Variants in TMPRSS4 observed in about 807,000 individuals in gnomAD.
TMPRSS4 encodes the protein transmembrane protease serine 4.
In TMPRSS4, 45 loss-of-function variants were observed where a neutral mutation model predicts 56.4. That is an observed-to-expected ratio of 0.80 (90% CI 0.63 to 1.02). The LOEUF (loss-of-function observed/expected upper bound fraction) is 1.02, where lower values mean the gene tolerates loss of function less well. TMPRSS4 is among the 50% of genes least tolerant of loss of function. The pLI, the probability that TMPRSS4 is intolerant of heterozygous loss-of-function variation, is 0.00. For synonymous variants in TMPRSS4, 205 were observed against 211.0 expected (o/e 0.97, Z 0.25); for missense variants, 546 against 556.7 (o/e 0.98, Z 0.19).
intron 1 of TMPRSS4, among the ~76,000 whole-genome samples, chr11:118,092,719 T>G (rs1946049431): frequency 6.6e-6 from 1 of 152,218 alleles, no homozygotes; most frequent in Admixed American, 6.5e-5. Flanking sequence ...AACTATAAAC[T>G]AAGTTTCTCC....
intron 1 of TMPRSS4, 113 bp from the exon 2 acceptor site, chr11:118,094,703 C>T (rs879672215): frequency 8.9e-6 from 8 of 898,698 alleles, no homozygotes; most frequent in Non-Finnish European, 1.3e-5. Context: ...CAGAGACCCC[C>T]AACGTAGACT....
In TMPRSS4 at chr11:118,114,823, T is replaced by C. The variant is rs758784863; in HGVS notation, c.911-6T>C. The C allele has an allele frequency of 1.9e-6, 3 of 1,600,678 alleles. No individual in the cohort carries two copies. Among genetic ancestry groups the C allele is most frequent in the African/African-American group, 2.7e-5 (2 of 74,842 alleles). ...AGATCTCCTTCTTCCTCTGTGCTCC[T>C]GGCAGGCACAGTCAGGCCCATCTGT... On this transcript the variant is annotated splice_polypyrimidine_tract_variant and splice_region_variant and intron_variant, in intron 9 of 12. Transcript: ENST00000437212.
At position 118,083,805 on chromosome 11, in the gene TMPRSS4, C is replaced by T. The variant is rs149730619; in HGVS notation, c.3+6500C>T. Among the ~76,000 whole-genome samples, 16 of 152,162 alleles carry T rather than the reference C, an allele frequency of 1.1e-4. No individual in the cohort carries two copies. In the East Asian group the frequency reaches 1.9e-3, roughly 18 times the overall value. The stretch of plus-strand genomic sequence containing the variant: ...GTGCAGTGGCTCACACCTGTAATCC[C>T]GCTTTGGGAGGCCGAAAAGGGCAGA... On this transcript the variant is annotated intron_variant, in intron 1 of 12. Transcript: ENST00000437212.
intron 10 of TMPRSS4, 43 bp downstream of exon 10, chr11:118,114,970 T>C (rs1383167330): frequency 1.5e-5 from 23 of 1,561,608 alleles, no homozygotes; most frequent in Non-Finnish European, 2.0e-5. Context: ...GATGCCCTTG[T>C]ATGAGGGAGC....
At chr11:118,107,958 C>T in intron 6 of TMPRSS4, 83 bp downstream of exon 6, 1 of 1,118,706 alleles carries the variant, frequency 8.9e-7, no homozygotes, top group Non-Finnish European at 1.3e-6. Flanking sequence ...CACCTGGAAC[C>T]CCAAGCAGCC....
In TMPRSS4 at chr11:118,119,499, C is replaced by T. The variant is rs746074551; in HGVS notation, c.*1586C>T. On this transcript the variant is annotated 3_prime_UTR_variant, in exon 13 of 13. Transcript: ENST00000437212. Reference sequence around the variant, plus strand: ...GCATAAAAAACAGCTAATTTAGAACCCCAAAGGCTTCAGATGTCAGAATAT... The same window carrying T: ...GCATAAAAAACAGCTAATTTAGAACTCCAAAGGCTTCAGATGTCAGAATAT... The T allele has an allele frequency of 4.8e-5, 14 of 293,066 alleles. No individual in the cohort carries two copies. The highest frequency in any genetic ancestry group is 6.6e-5 in the Non-Finnish European group (13 of 197,282). 18.2% of individuals were successfully genotyped at this position (293,066 alleles called of 1,614,324 possible). A position where few individuals can be genotyped will look rare whatever the true frequency, so the allele number is the denominator to read the frequency against.
In TMPRSS4 at chr11:118,118,182, AG is replaced by A; in HGVS notation, c.*273del. 1 of 1,385,314 alleles carries A rather than the reference AG, an allele frequency of 7.2e-7. No homozygotes were observed. The highest frequency in any genetic ancestry group is 9.3e-7 in the Non-Finnish European group (1 of 1,072,112). 85.8% of individuals were successfully genotyped at this position (1,385,314 alleles called of 1,614,324 possible). A position where few individuals can be genotyped will look rare whatever the true frequency, so the allele number is the denominator to read the frequency against. On this transcript the variant is annotated 3_prime_UTR_variant, in exon 13 of 13. Coordinates refer to ENST00000437212, the MANE Select transcript of TMPRSS4 (RefSeq NM_019894.4). ...GACACAGCCCACTGAACAAGGTCTC[AG>A]GGGTATTGCTAAGCCAAGAAGGAAC... is the stretch of plus-strand genomic sequence containing the variant.
At chr11:118,077,935 C>A (rs1303905961) in intron 1 of TMPRSS4, among the ~76,000 whole-genome samples, 1 of 134,066 alleles carries the variant, frequency 7.5e-6, no homozygotes, top group East Asian at 2.4e-4. Flanking sequence ...ATCGCTTGAA[C>A]TTGGGAGGCG....
chr11:118,114,707 A>C, intron 9 of TMPRSS4, 122 bp from the exon 10 acceptor site: 4 of 1,064,572 alleles, frequency 3.8e-6, no homozygotes, highest in Non-Finnish European at 5.5e-6. Flanking sequence ...ATCTGCAGGA[A>C]TTAGCTAACC....
intron 7 of TMPRSS4, among the ~76,000 whole-genome samples, chr11:118,110,401 T>C (rs1344782521): frequency 6.6e-6 from 1 of 151,680 alleles, no homozygotes; most frequent in East Asian, 1.9e-4. Flanking sequence ...GAGTAAAGTG[T>C]TGCGATCTCG....
At chr11:118,094,032 C>G (rs1010952462) in intron 1 of TMPRSS4, among the ~76,000 whole-genome samples, 3 of 152,204 alleles carry the variant, frequency 2.0e-5, no homozygotes, top group Non-Finnish European at 4.4e-5. Context: ...TTTATCCACT[C>G]TACCAGTGAC....
intron 11 of TMPRSS4, 123 bp downstream of exon 11, chr11:118,115,403 T>C (rs1401176357): frequency 2.4e-6 from 3 of 1,229,724 alleles, no homozygotes; most frequent in Non-Finnish European, 3.4e-6. Flanking sequence ...CAATGTGTGA[T>C]GATGGGAGGA....
At chr11:118,088,947 C>T (rs895303355) in intron 1 of TMPRSS4, among the ~76,000 whole-genome samples, 3 of 152,156 alleles carry the variant, frequency 2.0e-5, no homozygotes, top group South Asian at 2.1e-4. Flanking sequence ...CTGATCATGG[C>T]GGGGACCCAC....
chr11:118,104,825 C>T lies in TMPRSS4; in HGVS notation c.440+5C>T. On this transcript the variant is annotated splice_donor_5th_base_variant and intron_variant, in intron 5 of 12. Coordinates refer to ENST00000437212, the MANE Select transcript of TMPRSS4 (RefSeq NM_019894.4). Reference sequence around the variant, plus strand: ...TAGGCAGATGGGCTACAGCAGGTAACCAACCTGGGCCTCTCTCCTTTTTCC... The same window carrying T: ...TAGGCAGATGGGCTACAGCAGGTAATCAACCTGGGCCTCTCTCCTTTTTCC... 6.4e-7 allele frequency: 1 copy of T among 1,568,748 alleles called. No individual in the cohort carries two copies.
rs148240294 is a variant in TMPRSS4 at position 118,097,641 on chromosome 11, T to G, written c.44-1344T>G. Among the ~76,000 whole-genome samples the G allele has an allele frequency of 2.9e-3, 443 of 152,308 alleles. 3 individuals carry two copies. The highest frequency in any genetic ancestry group is 5.2e-3 in the Non-Finnish European group (351 of 68,024). ...TTCCCTTTCCCAGGTTCCTTCTCCT[T>G]GGATAACCATGTGCAATTGACAATG... is the stretch of plus-strand genomic sequence containing the variant. On this transcript the variant is annotated intron_variant, in intron 2 of 12. Coordinates refer to ENST00000437212, the MANE Select transcript of TMPRSS4 (RefSeq NM_019894.4).
chr11:118,115,051 C>A, intron 10 of TMPRSS4, 87 bp from the exon 11 acceptor site: 4 of 1,555,836 alleles, frequency 2.6e-6, no homozygotes, highest in South Asian at 2.4e-5. Flanking sequence ...AGCACCAAGG[C>A]GCCAGGCAGA....
At chr11:118,113,205 C>G in intron 8 of TMPRSS4, 64 bp from the exon 9 acceptor site, 2 of 1,533,646 alleles carry the variant, frequency 1.3e-6, no homozygotes, top group Non-Finnish European at 1.8e-6. Context: ...CCCTGGGGAC[C>G]CAGCCTTTGG....
chr11:118,095,472 A>G (rs1427351131), intron 2 of TMPRSS4: 1 of 153,506 alleles, frequency 6.5e-6, no homozygotes, highest in African/African-American at 2.4e-5. Context: ...CGGGCTATGT[A>G]TTTCTCAGTT....
At chr11:118,113,483 A>C in intron 9 of TMPRSS4, 48 bp downstream of exon 9, 1 of 1,597,680 alleles carries the variant, frequency 6.3e-7, no homozygotes, top group Non-Finnish European at 8.6e-7. Context: ...ATCAGTTTTC[A>C]CGCCCACTCT....
Sources: allele counts gnomAD v4.1 joint callset (sites outside exome capture counted in the v4.1 genomes callset), GRCh38; gene constraint gnomAD v4.1.1; transcripts MANE v1.5; gene names NCBI Gene and HGNC (gene_info 2026-07-23, HGNC 2026-07-21).